UBQLN1: variants seen among roughly 807,000 people sequenced by gnomAD.
UBQLN1 encodes ubiquilin-1.
In UBQLN1, 13 loss-of-function variants were observed where a neutral mutation model predicts 65.4. The observed-to-expected ratio is 0.20, with a 90% CI of 0.13 to 0.32. The LOEUF (loss-of-function observed/expected upper bound fraction) is 0.32. Among genes scored for constraint, UBQLN1 ranks in the 10% least tolerant of loss-of-function variants. The pLI, the probability that UBQLN1 is intolerant of heterozygous loss-of-function variation, is 1.00. For missense variants in UBQLN1, 561 were observed against 724.0 expected (o/e 0.77, Z 2.58); for synonymous variants, 267 against 247.8 (o/e 1.08, Z -0.73).
chr9:83,669,324 C>G lies in UBQLN1; in HGVS notation c.1109G>C (p.Ser370Thr). Residue 370 changes from serine (S) to threonine (T), a missense_variant, in exon 7 of 11, where the codon AGT becomes ACT. Coordinates refer to ENST00000376395, the MANE Select transcript of UBQLN1 (RefSeq NM_013438.5). ...APNLVPGVGA[S>T]MFNTPGMQSL... The stretch of plus-strand genomic sequence containing the variant: ...CTGCATTCCTGGTGTGTTGAACATA[C>G]TAGCTGAAAGTTTGTTTTTAAAAAA... 2 of 1,582,326 alleles carry G rather than the reference C, an allele frequency of 1.3e-6. No homozygotes were observed. The highest frequency in any genetic ancestry group is 1.4e-5 in the African/African-American group (1 of 72,806).
In UBQLN1 at chr9:83,680,043, A is replaced by G; in HGVS notation, c.449-6T>C. 6.2e-7 allele frequency: 1 copy of G among 1,603,966 alleles called. No homozygotes were observed. Among genetic ancestry groups the G allele is most frequent in the Non-Finnish European group, 8.5e-7 (1 of 1,173,546 alleles). On this transcript the variant is annotated splice_polypyrimidine_tract_variant and splice_region_variant and intron_variant, in intron 3 of 10. Transcript: ENST00000376395. ...TGCAAGTCCCCCAAGGCCACCTAAG[A>G]GGATAAAGGGCAAAAACATACAAAT...
intron 1 of UBQLN1, among the ~76,000 whole-genome samples, chr9:83,688,256 T>C (rs902384356): frequency 6.6e-6 from 1 of 152,204 alleles, no homozygotes; most frequent in Non-Finnish European, 1.5e-5. Flanking sequence ...AAGAGAGTTT[T>C]TAATCCTATT....
intron 10 of UBQLN1, 88 bp downstream of exon 10, chr9:83,663,787 C>G: frequency 7.0e-7 from 1 of 1,419,822 alleles, no homozygotes; most frequent in Non-Finnish European, 9.6e-7. Flanking sequence ...CTACTGCTTT[C>G]CTTTTTTCTC....
intron 2 of UBQLN1, among the ~76,000 whole-genome samples, chr9:83,685,356 T>A (rs1832022768): frequency 6.6e-6 from 1 of 152,232 alleles, no homozygotes. Context: ...TAAGTCTTCG[T>A]ATGTTATGCA....
chr9:83,699,801 G>A (rs1011383860), intron 1 of UBQLN1, among the ~76,000 whole-genome samples: 11 of 152,178 alleles, frequency 7.2e-5, no homozygotes, highest in Non-Finnish European at 1.2e-4. Context: ...CCAGCCACAT[G>A]GTCTATTCTG....
At chr9:83,663,745 C>T in intron 10 of UBQLN1, 130 bp downstream of exon 10, 1 of 1,006,180 alleles carries the variant, frequency 9.9e-7, no homozygotes. Context: ...ATCCTTAAGA[C>T]TGTATTTTTC....
At chr9:83,705,469 C>T (rs1449702376) in intron 1 of UBQLN1, among the ~76,000 whole-genome samples, 1 of 152,132 alleles carries the variant, frequency 6.6e-6, no homozygotes, top group Non-Finnish European at 1.5e-5. Flanking sequence ...AGGCTGGTCT[C>T]GAACCTCAGG....
At chr9:83,664,485 G>C (rs934146823) in intron 9 of UBQLN1, among the ~76,000 whole-genome samples, 2 of 152,016 alleles carry the variant, frequency 1.3e-5, no homozygotes, top group African/African-American at 4.8e-5. Context: ...AACAATCATA[G>C]CCAGGCACTG....
At chr9:83,697,680 C>G (rs1832240776) in intron 1 of UBQLN1, among the ~76,000 whole-genome samples, 1 of 151,360 alleles carries the variant, frequency 6.6e-6, no homozygotes, top group South Asian at 2.1e-4. Flanking sequence ...CTCAGCTTCC[C>G]AAGTAGCTGG....
intron 6 of UBQLN1, among the ~76,000 whole-genome samples, chr9:83,672,262 G>A (rs1831746595): frequency 6.6e-6 from 1 of 152,184 alleles, no homozygotes; most frequent in African/African-American, 2.4e-5. Context: ...TGTCTTCACT[G>A]GAGTAGCACT....
intron 2 of UBQLN1, among the ~76,000 whole-genome samples, chr9:83,683,785 G>A (rs1463756150): frequency 6.6e-6 from 1 of 152,174 alleles, no homozygotes; most frequent in Non-Finnish European, 1.5e-5. Flanking sequence ...CACTTTGCGA[G>A]GCCGAGGCAG....
At position 83,706,894 on chromosome 9, in the gene UBQLN1, C is replaced by A. The variant is rs896295473; in HGVS notation, c.180+606G>T. Among the ~76,000 whole-genome samples, 12 of 152,030 alleles carry A rather than the reference C, an allele frequency of 7.9e-5. 1 individual carries two copies. Among genetic ancestry groups the A allele is most frequent in the Admixed American group, 7.9e-4 (12 of 15,270 alleles). ...AAAGTCATTCACTTTTCTCCTTAAA[C>A]CTAGTACTATCACTATTACTTAAGA... On this transcript the variant is annotated intron_variant, in intron 1 of 10. Coordinates refer to ENST00000376395, the MANE Select transcript of UBQLN1 (RefSeq NM_013438.5).
At chr9:83,662,039 G>C (rs1378703763) in intron 10 of UBQLN1, 100 bp from the exon 11 acceptor site, 1 of 1,065,848 alleles carries the variant, frequency 9.4e-7, no homozygotes, top group Admixed American at 2.7e-5. Context: ...AACATATGCT[G>C]ATCTACTGAG....
At chr9:83,680,166 C>A in intron 3 of UBQLN1, 129 bp from the exon 4 acceptor site, 2 of 1,018,150 alleles carry the variant, frequency 2.0e-6, no homozygotes, top group Non-Finnish European at 2.8e-6. Context: ...CATTTAAAAA[C>A]AAATCGAATA....
chr9:83,697,139 G>C (rs202127388), intron 1 of UBQLN1, among the ~76,000 whole-genome samples: 1 of 152,040 alleles, frequency 6.6e-6, no homozygotes, highest in African/African-American at 2.4e-5. Context: ...TGGGGCAGTG[G>C]ATCGGTGAGG....
chr9:83,667,934 G>T (rs1215953997), intron 7 of UBQLN1: 1 of 983,926 alleles, frequency 1.0e-6, no homozygotes, highest in African/African-American at 1.7e-5. Flanking sequence ...TAAAAAAATA[G>T]TATGTGAGTG....
rs1832442049 is a variant in UBQLN1 at position 83,707,741 on chromosome 9, G to A, written c.-62C>T. 2.7e-6 allele frequency: 4 copies of A among 1,491,044 alleles called. No homozygotes were observed. The highest frequency in any genetic ancestry group is 1.3e-5 in the South Asian group (1 of 78,764). The allele number at this position is 1,491,044 out of a possible 1,614,324, so 92.4% of individuals were successfully genotyped here. A position where few individuals can be genotyped will look rare whatever the true frequency, so the allele number is the denominator to read the frequency against. On this transcript the variant is annotated 5_prime_UTR_variant, in exon 1 of 11. Coordinates refer to ENST00000376395, the MANE Select transcript of UBQLN1 (RefSeq NM_013438.5). ...CAGGAGGGAGCAGGCGAGCAAGGAG[G>A]AGCCAGCAGACACCAGAGCCGGCAG...
rs1031149805 is a variant in UBQLN1 at position 83,707,933 on chromosome 9, G to A, written c.-254C>T. 79 of 508,740 alleles carry A rather than the reference G, an allele frequency of 1.6e-4. No individual in the cohort carries two copies. The highest frequency in any genetic ancestry group is 1.4e-3 in the African/African-American group (69 of 49,290). The allele number at this position is 508,740 out of a possible 1,614,324, so 31.5% of individuals were successfully genotyped here. On this transcript the variant is annotated 5_prime_UTR_variant, in exon 1 of 11. Coordinates refer to ENST00000376395, the MANE Select transcript of UBQLN1 (RefSeq NM_013438.5). ...GCGCCGCTCGCTCACACCGACATCCGCAGCAGCCACCGCTTCCTCCTCCCT... is the reference window on the plus strand; with the variant it reads ...GCGCCGCTCGCTCACACCGACATCCACAGCAGCCACCGCTTCCTCCTCCCT...
chr9:83,679,546 T>C (rs1405318207), intron 4 of UBQLN1, among the ~76,000 whole-genome samples: 1 of 152,198 alleles, frequency 6.6e-6, no homozygotes, highest in Admixed American at 6.5e-5. Flanking sequence ...CATTGGACTT[T>C]TTGATTCTTA....
Sources: allele counts gnomAD v4.1 joint callset (sites outside exome capture counted in the v4.1 genomes callset), GRCh38; gene constraint gnomAD v4.1.1; transcripts MANE v1.5; gene names NCBI Gene and HGNC (gene_info 2026-07-23, HGNC 2026-07-21).